The following CCNY variants were observed in gnomAD, a reference collection of about 807,000 sequenced individuals.
CCNY encodes cyclin Y, also known as cyclin-Y.
A neutral mutation model predicts 42.8 loss-of-function variants in CCNY; 19 were observed. That is an observed-to-expected ratio of 0.44 (90% CI 0.31 to 0.65). The LOEUF (loss-of-function observed/expected upper bound fraction) is 0.65. CCNY is among the 30% of genes least tolerant of loss of function. The pLI is 0.07. For synonymous variants in CCNY, 165 were observed against 162.7 expected (o/e 1.01, Z -0.11); for missense variants, 370 against 437.3 (o/e 0.85, Z 1.37).
At chr10:35,471,170 C>T (rs1229464898) in intron 1 of CCNY, among the ~76,000 whole-genome samples, 1 of 152,016 alleles carries the variant, frequency 6.6e-6, no homozygotes, top group Non-Finnish European at 1.5e-5. Context: ...CTGTCTAGAC[C>T]TAAGTGGACA....
rs1290414309 is a variant in CCNY, at chr10:35,375,419, T to TG, written c.154+38213dup. The stretch of plus-strand genomic sequence containing the variant: ...TCCCTTTTTAGGATCCTTGTGATTA[T>TG]GTTGGGTCCACCTGGAAAATCTGGG... On this transcript the variant is annotated intron_variant, in intron 1 of 9. Transcript: ENST00000374704. 1.3e-5 allele frequency among the ~76,000 whole-genome samples: 2 copies of TG among 152,218 alleles called. 1 individual carries two copies. Among genetic ancestry groups the TG allele is most frequent in the African/African-American group, 4.8e-5 (2 of 41,444 alleles).
intron 1 of CCNY, among the ~76,000 whole-genome samples, chr10:35,354,439 C>T (rs922403632): frequency 1.3e-5 from 2 of 152,146 alleles, no homozygotes; most frequent in Non-Finnish European, 2.9e-5. Flanking sequence ...TCCGTCTTGG[C>T]GTCCCAAAGT....
intron 7 of CCNY, among the ~76,000 whole-genome samples, chr10:35,539,875 G>T (rs1840963539): frequency 6.6e-6 from 1 of 152,138 alleles, no homozygotes; most frequent in Non-Finnish European, 1.5e-5. Context: ...TTCATTTTTG[G>T]TGGTTTATTG....
At chr10:35,260,381 G>T (rs909029892) in intron 3 of CCNY, among the ~76,000 whole-genome samples, 19 of 152,080 alleles carry the variant, frequency 1.2e-4, no homozygotes, top group Non-Finnish European at 2.4e-4. Flanking sequence ...ATCCTGCCAG[G>T]GGCCGACTGG....
chr10:35,507,054 T>C (rs1198102357), intron 3 of CCNY, among the ~76,000 whole-genome samples: 1 of 152,180 alleles, frequency 6.6e-6, no homozygotes, highest in African/African-American at 2.4e-5. Flanking sequence ...TGCATTCTAC[T>C]TGTCACTTCA....
intron 3 of CCNY, among the ~76,000 whole-genome samples, chr10:35,266,216 T>TA (rs2095725069): frequency 1.3e-5 from 2 of 151,324 alleles, no homozygotes; most frequent in South Asian, 4.2e-4. Context: ...TAGCTGGGAT[T>TA]ACAGGCATGC....
chr10:35,277,439 G>A (rs997762287), intron 3 of CCNY, among the ~76,000 whole-genome samples: 10 of 152,070 alleles, frequency 6.6e-5, no homozygotes, highest in South Asian at 6.2e-4. Context: ...TGCTGAGGCC[G>A]AGAATTCAAC....
At position 35,485,707 on chromosome 10, in the gene CCNY, A is replaced by G. The variant is rs182990472; in HGVS notation, c.229+2229A>G. On this transcript the variant is annotated intron_variant, in intron 2 of 9. Transcript: ENST00000374704. ...GCCACTGCACTCTGGCCTGGGCGAC[A>G]GAGCGAGACTCCGTCTCAAAAAAAA... is the stretch of plus-strand genomic sequence containing the variant. 2.9e-3 allele frequency among the ~76,000 whole-genome samples: 424 copies of G among 147,110 alleles called. 15 individuals carry two copies. Among genetic ancestry groups the G allele is most frequent in the Admixed American group, 0.027 (391 of 14,566 alleles).
intron 7 of CCNY, among the ~76,000 whole-genome samples, chr10:35,543,277 T>C (rs535162046): frequency 6.6e-6 from 1 of 152,250 alleles, no homozygotes; most frequent in Admixed American, 6.5e-5. Context: ...AATGTCAGGG[T>C]ACAATGCAAA....
chr10:35,273,939 A>G (rs1589011344), intron 3 of CCNY, among the ~76,000 whole-genome samples: 1 of 152,094 alleles, frequency 6.6e-6, no homozygotes, highest in Non-Finnish European at 1.5e-5. Flanking sequence ...CCATCTGGCA[A>G]CCTTCCACAT....
intron 3 of CCNY, among the ~76,000 whole-genome samples, chr10:35,279,651 A>G (rs951164482): frequency 6.6e-6 from 1 of 152,200 alleles, no homozygotes; most frequent in African/African-American, 2.4e-5. Context: ...AGAGATTTCA[A>G]ATGGAGGCAC....
intron 3 of CCNY, among the ~76,000 whole-genome samples, chr10:35,269,805 T>G (rs1034435556): frequency 2.0e-5 from 3 of 151,926 alleles, no homozygotes; most frequent in African/African-American, 4.8e-5. Flanking sequence ...AATTTTTGTA[T>G]TTTTAGTAGA....
chr10:35,362,306 T>G (rs966600779), intron 1 of CCNY, among the ~76,000 whole-genome samples: 2 of 152,180 alleles, frequency 1.3e-5, no homozygotes, highest in African/African-American at 4.8e-5. Context: ...GTGGAACAGG[T>G]GACTTTTGGC....
At chr10:35,476,512 G>A (rs2135354069) in intron 1 of CCNY, among the ~76,000 whole-genome samples, 1 of 152,192 alleles carries the variant, frequency 6.6e-6, no homozygotes, top group African/African-American at 2.4e-5. Context: ...CATGGAAACT[G>A]AACAACCTGC....
chr10:35,405,876 C>T lies in CCNY; in HGVS notation c.154+68669C>T, dbSNP rs555673729. On this transcript the variant is annotated intron_variant, in intron 1 of 9. Transcript: ENST00000374704. ...AGTGGGGTCCTGCACAGATGGGACACGGTTTAGGAGGAATCCCGGGCTGCG... is the reference window on the plus strand; with the variant it reads ...AGTGGGGTCCTGCACAGATGGGACATGGTTTAGGAGGAATCCCGGGCTGCG... Among the ~76,000 whole-genome samples, 82 of 152,290 alleles carry T rather than the reference C, an allele frequency of 5.4e-4. No homozygotes were observed. The South Asian group carries it at 0.015, about 28-fold the overall frequency.
At chr10:35,327,406 T>C (rs984443425) in intron 3 of CCNY, among the ~76,000 whole-genome samples, 1 of 152,198 alleles carries the variant, frequency 6.6e-6, no homozygotes, top group Admixed American at 6.5e-5. Flanking sequence ...TTCATGGGCA[T>C]TTAGGTTGCA....
At chr10:35,348,747 C>CTG (rs1388895110) in intron 1 of CCNY, among the ~76,000 whole-genome samples, 2 of 152,178 alleles carry the variant, frequency 1.3e-5, no homozygotes, top group Non-Finnish European at 2.9e-5. Context: ...TGCCTGTGTG[C>CTG]TGTGCCCTGG....
chr10:35,364,793 T>A lies in CCNY; in HGVS notation c.154+27586T>A, dbSNP rs537808578. ...CTCATTCTTATAATTACTGCAATTT[T>A]AAAAACCATCTATTACAAACCAAAG... On this transcript the variant is annotated intron_variant, in intron 1 of 9. Transcript: ENST00000374704. Among the ~76,000 whole-genome samples, 18 of 152,326 alleles carry A rather than the reference T, an allele frequency of 1.2e-4. 1 individual carries two copies. Among genetic ancestry groups the A allele is most frequent in the African/African-American group, 4.1e-4 (17 of 41,568 alleles).
At position 35,430,873 on chromosome 10, in the gene CCNY, G is replaced by A. The variant is rs1207169298; in HGVS notation, c.155-52531G>A. Among the ~76,000 whole-genome samples the A allele has an allele frequency of 2.0e-5, 3 of 152,062 alleles. No homozygotes were observed. The East Asian group carries it at 5.8e-4, about 29-fold the overall frequency. ...TGCCTGTAATCCCAGCACTTTGGGA[G>A]GCCGATCACGATCCGCGGGTGGATC... On this transcript the variant is annotated intron_variant, in intron 1 of 9. Transcript: ENST00000374704.
Sources: allele counts gnomAD v4.1 joint callset (sites outside exome capture counted in the v4.1 genomes callset), GRCh38; gene constraint gnomAD v4.1.1; transcripts MANE v1.5; gene names NCBI Gene and HGNC (gene_info 2026-07-23, HGNC 2026-07-21).